The following TJP1 variants were observed in gnomAD, a reference collection of about 807,000 sequenced individuals.
The protein encoded by TJP1 is tight junction protein ZO-1.
In TJP1, 43 loss-of-function variants were observed where a neutral mutation model predicts 194.2. That is an observed-to-expected ratio of 0.22 (90% CI 0.17 to 0.29). The LOEUF (loss-of-function observed/expected upper bound fraction) is 0.29, where lower values mean the gene tolerates loss of function less well. Ranked by LOEUF, TJP1 falls within the 10% of genes least tolerant of loss-of-function variation. The pLI, the probability that TJP1 is intolerant of heterozygous loss-of-function variation, is 1.00. For synonymous variants in TJP1, 801 were observed against 779.0 expected, an observed-to-expected ratio of 1.03 and a Z score of -0.47; for missense variants, 1,971 against 2,185.7, an observed-to-expected ratio of 0.90 and a Z score of 1.96.
rs199612181 is a variant in TJP1 at position 29,732,673 on chromosome 15, G to C, written c.1879C>G (p.Gln627Glu). ...SREDLSAQPV[Q>E]TKFPAYERVV... ...CTTTCATAAGCTGGAAACTTTGTTTGAACAGGCTGAGCGGACAAATCCTCT... is the reference window on the plus strand; with the variant it reads ...CTTTCATAAGCTGGAAACTTTGTTTCAACAGGCTGAGCGGACAAATCCTCT... The change falls in exon 14 of 28, where the codon CAA becomes GAA. Residue 627 changes from glutamine to glutamate, a missense_variant. Coordinates refer to ENST00000614355, the MANE Select transcript of TJP1 (RefSeq NM_001330239.4). 2.5e-6 allele frequency: 4 copies of C among 1,613,972 alleles called. No individual in the cohort carries two copies. The highest frequency in any genetic ancestry group is 1.6e-4 in the Middle Eastern group (1 of 6,084).
At chr15:29,817,389 G>A (rs1257350949) in intron 1 of TJP1, among the ~76,000 whole-genome samples, 13 of 152,196 alleles carry the variant, frequency 8.5e-5, no homozygotes. Flanking sequence ...TGGTGGGAAT[G>A]TAAATTAGTT....
intron 2 of TJP1, among the ~76,000 whole-genome samples, chr15:29,902,569 C>A (rs749333711): frequency 6.6e-6 from 1 of 152,096 alleles, no homozygotes; most frequent in East Asian, 1.9e-4. Context: ...TGTCATGAAC[C>A]TGTTCTGTAT....
intron 25 of TJP1, 124 bp downstream of exon 25, chr15:29,708,435 A>G: frequency 2.5e-6 from 2 of 795,058 alleles, no homozygotes; most frequent in Non-Finnish European, 4.1e-6. Flanking sequence ...CATTGCAACA[A>G]CACTCTTCAG....
intron 1 of TJP1, among the ~76,000 whole-genome samples, chr15:29,963,840 G>A (rs796995321): frequency 1.3e-5 from 2 of 152,208 alleles, no homozygotes; most frequent in African/African-American, 4.8e-5. Context: ...TTTTAGTAGA[G>A]ACAGGGTTTC....
chr15:29,880,010 G>A (rs561035992), intron 2 of TJP1, among the ~76,000 whole-genome samples: 1 of 152,240 alleles, frequency 6.6e-6, no homozygotes, highest in South Asian at 2.1e-4. Flanking sequence ...AAAATATGTT[G>A]AGTATCACCT....
intron 2 of TJP1, among the ~76,000 whole-genome samples, chr15:29,857,519 C>T (rs1347637926): frequency 6.6e-6 from 1 of 152,026 alleles, no homozygotes; most frequent in East Asian, 1.9e-4. Flanking sequence ...CTTCTTGCCA[C>T]ATGGACAAGA....
At chr15:29,927,189 G>C (rs761228316) in intron 2 of TJP1, among the ~76,000 whole-genome samples, 1 of 152,208 alleles carries the variant, frequency 6.6e-6, no homozygotes, top group East Asian at 1.9e-4. Flanking sequence ...GCGTGGTGGC[G>C]CATGCCTGTA....
At chr15:29,944,622 T>G (rs2055211070) in intron 2 of TJP1, among the ~76,000 whole-genome samples, 1 of 152,230 alleles carries the variant, frequency 6.6e-6, no homozygotes, top group South Asian at 2.1e-4. Context: ...ACGAAACAGC[T>G]AATTTTTTCC....
upstream of TJP1, among the ~76,000 whole-genome samples, chr15:29,825,439 C>A (rs970578586): frequency 5.3e-5 from 8 of 152,182 alleles, no homozygotes; most frequent in Non-Finnish European, 1.0e-4. Context: ...AAAACCACAA[C>A]ACTTAAAAGA....
chr15:29,714,987 C>A (rs2151081884), intron 23 of TJP1, among the ~76,000 whole-genome samples: 1 of 152,340 alleles, frequency 6.6e-6, no homozygotes, highest in South Asian at 2.1e-4. Flanking sequence ...AAAGGGTACA[C>A]CCTTCTGCCT....
chr15:29,833,881 A>ATATATATATTTTTTTTTTTT (rs1555434000), intron 2 of TJP1, among the ~76,000 whole-genome samples: 13 of 12,606 alleles, frequency 1.0e-3, no homozygotes, highest in East Asian at 0.013. Context: ...ATATATATAT[A>ATATATATATTTTTTTTTTTT]TTTTTTTTTT....
At chr15:29,866,857 CG>C (rs1345677239) in intron 2 of TJP1, among the ~76,000 whole-genome samples, 2 of 152,172 alleles carry the variant, frequency 1.3e-5, no homozygotes, top group Non-Finnish European at 2.9e-5. Flanking sequence ...TTCCAGGGGC[CG>C]CCCTAACCTG....
upstream of TJP1, among the ~76,000 whole-genome samples, chr15:29,969,041 C>G (rs1409140862): frequency 6.8e-6 from 1 of 147,074 alleles, no homozygotes; most frequent in Non-Finnish European, 1.5e-5. Context: ...CAGGCCGTGG[C>G]CCGGCGGCGC....
At chr15:29,905,126 C>T (rs8026965) in intron 2 of TJP1, among the ~76,000 whole-genome samples, 8,525 of 152,234 alleles carry the variant, frequency 0.056, 290 homozygotes, top group South Asian at 0.11. Context: ...AAACTGACAA[C>T]GTAATTGACA....
intron 2 of TJP1, among the ~76,000 whole-genome samples, chr15:29,927,132 C>A (rs944413464): frequency 1.3e-5 from 2 of 151,628 alleles, no homozygotes; most frequent in Non-Finnish European, 3.0e-5. Flanking sequence ...CCAGCTTGGC[C>A]AACATGGTGA....
At chr15:29,822,551 AGGGGG>A (rs2050486657), upstream of TJP1, 6 of 500,806 alleles carry the variant, frequency 1.2e-5, no homozygotes, top group African/African-American at 2.2e-5. Flanking sequence ...CGAGGCGGGG[AGGGGG>A]CGGGGCCGCG....
chr15:29,765,226 G>A (rs2046260226), intron 5 of TJP1, among the ~76,000 whole-genome samples: 1 of 152,118 alleles, frequency 6.6e-6, no homozygotes, highest in African/African-American at 2.4e-5. Flanking sequence ...AAAGATACCA[G>A]ACCAGAGAGG....
chr15:29,831,496 C>G (rs2050835081), intron 2 of TJP1, among the ~76,000 whole-genome samples: 1 of 152,072 alleles, frequency 6.6e-6, no homozygotes, highest in Non-Finnish European at 1.5e-5. Flanking sequence ...GAAGGAGGTA[C>G]AAGTTAAATG....
chr15:29,703,019 T>C (rs1286018857), intron 27 of TJP1, among the ~76,000 whole-genome samples: 1 of 152,226 alleles, frequency 6.6e-6, no homozygotes, highest in East Asian at 1.9e-4. Context: ...AGCTTTGAAA[T>C]TATCTCAGGA....
Sources: gnomAD v4.1 joint callset for allele counts (sites outside exome capture counted in the v4.1 genomes callset) on GRCh38, gnomAD v4.1.1 for gene constraint, MANE v1.5 for transcripts, NCBI Gene and HGNC (gene_info 2026-07-23, HGNC 2026-07-21) for gene names.